The following DKK2 variants were observed in gnomAD, a reference collection of about 807,000 sequenced individuals.
The protein encoded by DKK2 is dickkopf-related protein 2.
Under a neutral mutation model 28.1 loss-of-function variants are expected in DKK2, and 11 were observed. That is an observed-to-expected ratio of 0.39 (90% CI 0.25 to 0.65). The LOEUF (loss-of-function observed/expected upper bound fraction) is 0.65. Ranked by LOEUF, DKK2 falls within the 30% of genes least tolerant of loss-of-function variation. The pLI is 0.47. For synonymous variants in DKK2, 135 were observed against 126.5 expected (o/e 1.07, Z -0.45); for missense variants, 326 against 335.5 (o/e 0.97, Z 0.22).
chr4:106,959,726 G>A (rs1476471186), intron 1 of DKK2, among the ~76,000 whole-genome samples: 4 of 151,936 alleles, frequency 2.6e-5, no homozygotes, highest in African/African-American at 4.8e-5. Context: ...TTCACTCCTC[G>A]TTCATTTACT....
intron 1 of DKK2, among the ~76,000 whole-genome samples, chr4:106,992,433 C>G (rs1269999435): frequency 2.6e-5 from 4 of 152,156 alleles, no homozygotes; most frequent in Non-Finnish European, 5.9e-5. Flanking sequence ...CACCTCTTGG[C>G]CATTGAAAGT....
intron 1 of DKK2, among the ~76,000 whole-genome samples, chr4:106,979,300 TG>T (rs1443414369): frequency 1.3e-5 from 2 of 152,102 alleles, no homozygotes; most frequent in Non-Finnish European, 2.9e-5. Context: ...CTTTGTCTGT[TG>T]GGCAAAAAAC....
At chr4:106,943,409 T>C (rs558659270) in intron 1 of DKK2, among the ~76,000 whole-genome samples, 51 of 152,260 alleles carry the variant, frequency 3.3e-4, no homozygotes, top group Middle Eastern at 3.4e-3. Context: ...GTTGGAAGTT[T>C]GTAGCATTAA....
intron 1 of DKK2, among the ~76,000 whole-genome samples, chr4:106,980,590 ATGTAAGT>A (rs1723013138): frequency 6.6e-6 from 1 of 152,172 alleles, no homozygotes; most frequent in Non-Finnish European, 1.5e-5. Flanking sequence ...TTTGTTTTGG[ATGTAAGT>A]AATACAATTT....
intron 1 of DKK2, among the ~76,000 whole-genome samples, chr4:107,008,480 T>A (rs894713417): frequency 6.6e-6 from 1 of 152,014 alleles, no homozygotes; most frequent in African/African-American, 2.4e-5. Context: ...GATTTTAGAC[T>A]ATAAGATGAG....
intron 1 of DKK2, among the ~76,000 whole-genome samples, chr4:106,945,248 A>G (rs1482985130): frequency 6.6e-6 from 1 of 152,172 alleles, no homozygotes; most frequent in Non-Finnish European, 1.5e-5. Flanking sequence ...AAAGCCATTT[A>G]CAACTTGCAA....
chr4:106,928,636 T>G (rs1174760514), intron 1 of DKK2, among the ~76,000 whole-genome samples: 2 of 152,134 alleles, frequency 1.3e-5, no homozygotes, highest in Non-Finnish European at 1.5e-5. Flanking sequence ...GGGGCATGCC[T>G]TGCCCTCTGA....
chr4:106,924,189 G>T lies in DKK2; in HGVS notation c.545C>A (p.Pro182His). The T allele has an allele frequency of 6.2e-7, 1 of 1,613,802 alleles. No homozygotes were observed. The highest frequency in any genetic ancestry group is 1.1e-5 in the South Asian group (1 of 91,074). ...AATGCAGTCTGATGATCGTAGGCAG[G>T]GGTCTCCTTCATGCCCTGCAGAGAT... ...MSHIKGHEGDPCLRSSDCIEG... is the reference protein window; with the variant it reads ...MSHIKGHEGDHCLRSSDCIEG... The change falls in exon 4 of 4, where the codon CCC becomes CAC. Residue 182 changes from proline (P) to histidine (H), a missense_variant. Physicochemically the swap from Pro to His is moderately conservative, Grantham distance 77 (BLOSUM62 -2). Coordinates refer to ENST00000285311, the MANE Select transcript of DKK2 (RefSeq NM_014421.3).
At chr4:106,987,485 G>A (rs2110360506) in intron 1 of DKK2, among the ~76,000 whole-genome samples, 1 of 152,220 alleles carries the variant, frequency 6.6e-6, no homozygotes, top group Admixed American at 6.5e-5. Flanking sequence ...TTGGCCTCAG[G>A]CATGGTCTGC....
chr4:107,006,667 C>T (rs1723442271), intron 1 of DKK2, among the ~76,000 whole-genome samples: 3 of 152,128 alleles, frequency 2.0e-5, no homozygotes. Flanking sequence ...TTCCCCACAC[C>T]CACACTGCAT....
Position 106,972,061 on chromosome 4 carries a change from C to T in DKK2, c.223-46112G>A, listed in dbSNP as rs536588766. On this transcript the variant is annotated intron_variant, in intron 1 of 3. Coordinates refer to ENST00000285311, the MANE Select transcript of DKK2 (RefSeq NM_014421.3). Reference sequence around the variant, plus strand: ...GTCCAAATAAATAAAGGCCTCAGGCCAGTAATGCTGTAATAAATCTTTTAC... The same window carrying T: ...GTCCAAATAAATAAAGGCCTCAGGCTAGTAATGCTGTAATAAATCTTTTAC... 9.9e-5 allele frequency among the ~76,000 whole-genome samples: 15 copies of T among 152,198 alleles called. No homozygotes were observed. The South Asian group carries it at 2.9e-3, about 29-fold the overall frequency.
intron 1 of DKK2, among the ~76,000 whole-genome samples, chr4:106,963,293 C>A (rs1311124148): frequency 6.6e-6 from 1 of 151,394 alleles, no homozygotes; most frequent in African/African-American, 2.4e-5. Context: ...ACGGAGGTTT[C>A]AGTGAGCCAA....
At chr4:106,957,985 A>T (rs1722626508) in intron 1 of DKK2, among the ~76,000 whole-genome samples, 1 of 150,946 alleles carries the variant, frequency 6.6e-6, no homozygotes, top group Non-Finnish European at 1.5e-5. Context: ...CAAGAGTAAT[A>T]ATTCTTTAGA....
intron 1 of DKK2, among the ~76,000 whole-genome samples, chr4:106,973,495 G>A (rs1722899568): frequency 6.6e-6 from 1 of 152,198 alleles, no homozygotes; most frequent in South Asian, 2.1e-4. Flanking sequence ...CAGTGATGAT[G>A]AGCTTTTTTT....
At chr4:106,935,016 A>G (rs1201933989) in intron 1 of DKK2, among the ~76,000 whole-genome samples, 2 of 152,176 alleles carry the variant, frequency 1.3e-5, no homozygotes, top group African/African-American at 2.4e-5. Flanking sequence ...ATGATTACCT[A>G]CAGAGTTTGA....
At chr4:106,986,949 T>A (rs1481288597) in intron 1 of DKK2, among the ~76,000 whole-genome samples, 1 of 152,242 alleles carries the variant, frequency 6.6e-6, no homozygotes, top group Non-Finnish European at 1.5e-5. Context: ...CTATTAGCCA[T>A]AATCATGACC....
At chr4:106,955,933 A>G (rs1722583949) in intron 1 of DKK2, among the ~76,000 whole-genome samples, 1 of 152,092 alleles carries the variant, frequency 6.6e-6, no homozygotes, top group African/African-American at 2.4e-5. Context: ...TTTTACCTTT[A>G]CTGATACATT....
At chr4:107,017,424 T>A (rs1355691045) in intron 1 of DKK2, among the ~76,000 whole-genome samples, 2 of 151,994 alleles carry the variant, frequency 1.3e-5, no homozygotes, top group Non-Finnish European at 2.9e-5. Context: ...TTTTACTAAT[T>A]GAGACAATTT....
At position 106,995,575 on chromosome 4, in the gene DKK2, A is replaced by T. The variant is rs186121346; in HGVS notation, c.222+39795T>A. 3.3e-5 allele frequency among the ~76,000 whole-genome samples: 5 copies of T among 152,314 alleles called. No homozygotes were observed. In the East Asian group the frequency reaches 9.7e-4, roughly 29 times the overall value. On this transcript the variant is annotated intron_variant, in intron 1 of 3. Coordinates refer to ENST00000285311, the MANE Select transcript of DKK2 (RefSeq NM_014421.3). ...GGAAAAGCAAATAATTTTCATATGC[A>T]GAATGAGGTCACTGAAGAACAGGAC...
Sources: gnomAD v4.1 joint callset for allele counts (sites outside exome capture counted in the v4.1 genomes callset) on GRCh38, gnomAD v4.1.1 for gene constraint, MANE v1.5 for transcripts, NCBI Gene and HGNC (gene_info 2026-07-23, HGNC 2026-07-21) for gene names.